FLRT2: variants seen among roughly 807,000 people sequenced by gnomAD.
The protein encoded by FLRT2 is fibronectin leucine rich transmembrane protein 2, also known as leucine-rich repeat transmembrane protein FLRT2.
In FLRT2, 15 loss-of-function variants were observed where a neutral mutation model predicts 40.0. The ratio of observed to expected loss-of-function variants is 0.38; its 90% CI spans 0.25 to 0.58. The LOEUF (loss-of-function observed/expected upper bound fraction) is 0.58, where lower values mean the gene tolerates loss of function less well. Among genes scored for constraint, FLRT2 ranks in the 20% least tolerant of loss-of-function variants. The pLI is 0.71. For missense variants in FLRT2, 726 were observed against 840.0 expected, an observed-to-expected ratio of 0.86 and a Z score of 1.68; for synonymous variants, 380 against 336.8, an observed-to-expected ratio of 1.13 and a Z score of -1.41.
Position 85,644,772 on chromosome 14 carries a change from ACT to A in FLRT2, c.*21280_*21281del, listed in dbSNP as rs1324012489. On this transcript the variant is annotated 3_prime_UTR_variant, in exon 2 of 2. Transcript: ENST00000330753. ...GGAGTTTGTTGCTGAGGAAGAGTAG[ACT>A]CTCTAGCTTTTCCAGGCTGTGGTCC... is the stretch of plus-strand genomic sequence containing the variant. 1 of 152,038 alleles carries A rather than the reference ACT, an allele frequency of 6.6e-6. No individual in the cohort carries two copies. Among genetic ancestry groups the A allele is most frequent in the East Asian group, 1.9e-4 (1 of 5,176 alleles). The allele number at this position is 152,038 out of a possible 1,614,324, so 9.4% of individuals were successfully genotyped here.
chr14:85,610,127 C>T (rs1892795551), intron 1 of FLRT2, among the ~76,000 whole-genome samples: 1 of 152,134 alleles, frequency 6.6e-6, no homozygotes, highest in Non-Finnish European at 1.5e-5. Context: ...ATGGGTTCCT[C>T]ACTTTCTCAT....
At position 85,555,562 on chromosome 14, in the gene FLRT2, A is replaced by G. The variant is rs141671112; in HGVS notation, c.-377+25028A>G. Among the ~76,000 whole-genome samples the G allele has an allele frequency of 3.8e-3, 583 of 152,250 alleles. 4 individuals are homozygous for G. Among genetic ancestry groups the G allele is most frequent in the African/African-American group, 0.013 (561 of 41,558 alleles). The stretch of plus-strand genomic sequence containing the variant: ...ATGGGGGAAACCACCCCATGATTCA[A>G]TTATCTCCCACCAGGTCCCTCCCAT... On this transcript the variant is annotated intron_variant, in intron 1 of 1. Transcript: ENST00000330753.
intron 1 of FLRT2, among the ~76,000 whole-genome samples, chr14:85,542,657 A>G (rs757949934): frequency 6.6e-6 from 1 of 152,204 alleles, no homozygotes; most frequent in Admixed American, 6.5e-5. Flanking sequence ...AAGAGAGATT[A>G]AAATTCTTTG....
rs942730178 is a variant in FLRT2, at chr14:85,631,099, T to C, written c.*7602T>C. ...TAGATTATATATATATAATTACATA[T>C]ATAATCTAGATTTTATATATATATA... On this transcript the variant is annotated 3_prime_UTR_variant, in exon 2 of 2. Coordinates refer to ENST00000330753, the MANE Select transcript of FLRT2 (RefSeq NM_013231.6). 2.8e-5 allele frequency: 4 copies of C among 144,358 alleles called. No individual in the cohort carries two copies. The highest frequency in any genetic ancestry group is 6.0e-5 in the Non-Finnish European group (4 of 66,584). The allele number at this position is 144,358 out of a possible 1,614,324, so 8.9% of individuals were successfully genotyped here.
intron 1 of FLRT2, among the ~76,000 whole-genome samples, chr14:85,572,476 A>G (rs986591746): frequency 1.3e-5 from 2 of 152,106 alleles, no homozygotes; most frequent in African/African-American, 4.8e-5. Context: ...ATATCCAGTA[A>G]TTTTTTGTAC....
At position 85,629,624 on chromosome 14, in the gene FLRT2, C is replaced by G. The variant is rs1166675335; in HGVS notation, c.*6127C>G. The G allele has an allele frequency of 6.6e-6, 1 of 152,148 alleles. No individual in the cohort carries two copies. The highest frequency in any genetic ancestry group is 2.4e-5 in the African/African-American group (1 of 41,444). The allele number at this position is 152,148 out of a possible 1,614,324, so 9.4% of individuals were successfully genotyped here. On this transcript the variant is annotated 3_prime_UTR_variant, in exon 2 of 2. Coordinates refer to ENST00000330753, the MANE Select transcript of FLRT2 (RefSeq NM_013231.6). ...AAGTGATTAGTCTATAGCTACAAAT[C>G]CTGTAAATGGCAGAGTCAGGAATTA...
In FLRT2 at chr14:85,621,323, A is replaced by G; in HGVS notation, c.-192A>G. On this transcript the variant is annotated 5_prime_UTR_variant, in exon 2 of 2. Coordinates refer to ENST00000330753, the MANE Select transcript of FLRT2 (RefSeq NM_013231.6). ...TTTTTTGCACATGGAGGACAGCAGC[A>G]AAGAGGGCAACACAGGCTGATAAGA... 1 of 585,710 alleles carries G rather than the reference A, an allele frequency of 1.7e-6. No individual in the cohort carries two copies. The highest frequency in any genetic ancestry group is 2.9e-6 in the Non-Finnish European group (1 of 343,440). 36.3% of individuals were successfully genotyped at this position (585,710 alleles called of 1,614,324 possible).
At chr14:85,596,779 G>A (rs1451444679) in intron 1 of FLRT2, among the ~76,000 whole-genome samples, 1 of 152,178 alleles carries the variant, frequency 6.6e-6, no homozygotes, top group Non-Finnish European at 1.5e-5. Context: ...GTTGCGCCTT[G>A]TTATGGGGTG....
At chr14:85,565,501 A>C (rs575249975) in intron 1 of FLRT2, among the ~76,000 whole-genome samples, 6 of 152,328 alleles carry the variant, frequency 3.9e-5, no homozygotes, top group African/African-American at 1.4e-4. Context: ...CAATATTATT[A>C]ATAGTGATAT....
At position 85,621,761 on chromosome 14, in the gene FLRT2, GAACTGCACAATGT is replaced by G; in HGVS notation, c.249_261del (p.Glu83AspfsTer19). ...AATTAATAATGCTGGATTTCCTGCA[GAACTGCACAATGT>G]ACAGTCGGTGCACACGGTCTACCTG... On this transcript the variant is annotated frameshift_variant, in exon 2 of 2. Transcript: ENST00000330753. LOFTEE classifies it high-confidence loss of function. The G allele has an allele frequency of 6.2e-7, 1 of 1,614,224 alleles. No homozygotes were observed. The highest frequency in any genetic ancestry group is 8.5e-7 in the Non-Finnish European group (1 of 1,180,036).
rs1359625824 is a variant in FLRT2, at chr14:85,639,089, A to G, written c.*15592A>G. 3 of 152,196 alleles carry G rather than the reference A, an allele frequency of 2.0e-5. No homozygotes were observed. The highest frequency in any genetic ancestry group is 7.2e-5 in the African/African-American group (3 of 41,462). The allele number at this position is 152,196 out of a possible 1,614,324, so 9.4% of individuals were successfully genotyped here. On this transcript the variant is annotated 3_prime_UTR_variant, in exon 2 of 2. Coordinates refer to ENST00000330753, the MANE Select transcript of FLRT2 (RefSeq NM_013231.6). ...AGATAAAAACTAAACTGAAACCAAA[A>G]GAATTTCCAGAGCAGGCAGTCTCTA... is the stretch of plus-strand genomic sequence containing the variant.
At chr14:85,609,113 C>G (rs1194357309) in intron 1 of FLRT2, among the ~76,000 whole-genome samples, 1 of 152,146 alleles carries the variant, frequency 6.6e-6, no homozygotes, top group Non-Finnish European at 1.5e-5. Context: ...CACCCCAGCT[C>G]TGCACTCCTC....
At chr14:85,605,761 A>T (rs1317708240) in intron 1 of FLRT2, among the ~76,000 whole-genome samples, 1 of 152,162 alleles carries the variant, frequency 6.6e-6, no homozygotes, top group Non-Finnish European at 1.5e-5. Flanking sequence ...GCAAGACTCC[A>T]TCTCAAAAAT....
chr14:85,622,996 G>A lies in FLRT2; in HGVS notation c.1482G>A (p.Val494=), dbSNP rs1190990174. 1.9e-6 allele frequency: 3 copies of A among 1,614,162 alleles called. No homozygotes were observed. Among genetic ancestry groups the A allele is most frequent in the Non-Finnish European group, 2.5e-6 (3 of 1,180,024 alleles). ...EPRSTYRICL[V]PLDAFNYRAV... ...GATCCACCTATCGGATTTGTTTAGT[G>A]CCACTGGATGCTTTTAACTACCGCG... The change falls in exon 2 of 2, where the codon GTG becomes GTA. Residue 494 remains valine (V), a synonymous_variant. Transcript: ENST00000330753.
intron 1 of FLRT2, among the ~76,000 whole-genome samples, chr14:85,601,005 A>G (rs938159710): frequency 6.6e-6 from 1 of 152,226 alleles, no homozygotes; most frequent in Non-Finnish European, 1.5e-5. Flanking sequence ...AAATAGAAAT[A>G]AATAAGCCAT....
At chr14:85,572,177 T>C (rs565333585) in intron 1 of FLRT2, among the ~76,000 whole-genome samples, 1 of 152,342 alleles carries the variant, frequency 6.6e-6, no homozygotes, top group East Asian at 1.9e-4. Context: ...ACTTAGATCA[T>C]AAACCTAGGA....
rs568058822 is a variant in FLRT2, at chr14:85,652,614, G to A, written c.*29117G>A. On this transcript the variant is annotated 3_prime_UTR_variant, in exon 2 of 2. Transcript: ENST00000330753. Reference sequence around the variant, plus strand: ...TTAAGATGACATTATGACTTATTAGGCCACAGTTAAATATGAGCTTCATCT... The same window carrying A: ...TTAAGATGACATTATGACTTATTAGACCACAGTTAAATATGAGCTTCATCT... 1.3e-5 allele frequency: 2 copies of A among 151,962 alleles called. No homozygotes were observed. Among genetic ancestry groups the A allele is most frequent in the East Asian group, 3.9e-4 (2 of 5,164 alleles). 9.4% of individuals were successfully genotyped at this position (151,962 alleles called of 1,614,324 possible).
intron 1 of FLRT2, among the ~76,000 whole-genome samples, chr14:85,558,989 AACT>A: frequency 6.6e-6 from 1 of 152,320 alleles, no homozygotes; most frequent in Middle Eastern, 3.4e-3. Flanking sequence ...TAATCAAATA[AACT>A]TGTATTTAAA....
Position 85,621,452 on chromosome 14 carries a change from T to C in FLRT2, c.-63T>C. 5 of 1,455,372 alleles carry C rather than the reference T, an allele frequency of 3.4e-6. No individual in the cohort carries two copies. Among genetic ancestry groups the C allele is most frequent in the South Asian group, 2.7e-5 (2 of 73,618 alleles). The allele number at this position is 1,455,372 out of a possible 1,614,324, so 90.2% of individuals were successfully genotyped here. On this transcript the variant is annotated 5_prime_UTR_variant, in exon 2 of 2. Coordinates refer to ENST00000330753, the MANE Select transcript of FLRT2 (RefSeq NM_013231.6). Reference sequence around the variant, plus strand: ...CCCCATCCAGTCATTTTGATTTTGCTGTTTATTTTTTTTTTCTTTTTCTTT... The same window carrying C: ...CCCCATCCAGTCATTTTGATTTTGCCGTTTATTTTTTTTTTCTTTTTCTTT...
Sources: gnomAD v4.1 joint callset for allele counts (sites outside exome capture counted in the v4.1 genomes callset) on GRCh38, gnomAD v4.1.1 for gene constraint, MANE v1.5 for transcripts, NCBI Gene and HGNC (gene_info 2026-07-23, HGNC 2026-07-21) for gene names.